MAST4: variants seen among roughly 807,000 people sequenced by gnomAD.
MAST4 encodes the protein microtubule-associated serine/threonine-protein kinase 4.
Under a neutral mutation model 162.7 loss-of-function variants are expected in MAST4, and 89 were observed. The ratio of observed to expected loss-of-function variants is 0.55; its 90% CI spans 0.46 to 0.65. MAST4 has a LOEUF of 0.65. Ranked by LOEUF, MAST4 falls within the 30% of genes least tolerant of loss-of-function variation. MAST4 has a pLI of 0.00. For synonymous variants in MAST4, 1,479 were observed against 1,361.1 expected, an observed-to-expected ratio of 1.09 and a Z score of -1.91; for missense variants, 3,153 against 3,374.0, an observed-to-expected ratio of 0.93 and a Z score of 1.62.
At chr5:67,067,293 A>G (rs760210988) in intron 5 of MAST4, among the ~76,000 whole-genome samples, 1 of 152,196 alleles carries the variant, frequency 6.6e-6, no homozygotes, top group Admixed American at 6.5e-5. Context: ...GTTAGCAGCA[A>G]TTCTACTTTG....
At position 67,142,220 on chromosome 5, in the gene MAST4, A is replaced by C. The variant is rs1174774495; in HGVS notation, c.2600A>C (p.Asp867Ala). Residue 867 changes from aspartate (D) to alanine (A), a missense_variant, in exon 20 of 29, where the codon GAC (aspartate) becomes GCC (alanine). Physicochemically the swap from Asp to Ala is moderately radical, Grantham distance 126. Transcript: ENST00000403625. Reference sequence around the variant, plus strand: ...ATTCCCCAACTGGAATCTGAGGATGACACAAGTTATTTTGATAGTATGTGC... The same window carrying C: ...ATTCCCCAACTGGAATCTGAGGATGCCACAAGTTATTTTGATAGTATGTGC... ...EFIPQLESED[D>A]TSYFDTRSEK... 1 of 1,613,736 alleles carries C rather than the reference A, an allele frequency of 6.2e-7. No individual in the cohort carries two copies. Among genetic ancestry groups the C allele is most frequent in the African/African-American group, 1.3e-5 (1 of 74,930 alleles).
In MAST4 at chr5:67,090,294, TCTCCCCACTTCTCCCC is replaced by T. The variant is rs1763688732; in HGVS notation, c.833+76_833+91del. ...AGAGAGAATCCCATTTTCCTCTCCC[TCTCCCCACTTCTCCCC>T]CTCCCCACTTCTTCCCGTCCCCACT... On this transcript the variant is annotated intron_variant, in intron 6 of 28. Transcript: ENST00000403625. The T allele has an allele frequency of 6.3e-5, 67 of 1,068,094 alleles. No homozygotes were observed. In the South Asian group the frequency reaches 7.3e-4, roughly 12 times the overall value. The allele number at this position is 1,068,094 out of a possible 1,614,324, so 66.2% of individuals were successfully genotyped here. A position where few individuals can be genotyped will look rare whatever the true frequency, so the allele number is the denominator to read the frequency against.
intron 3 of MAST4, among the ~76,000 whole-genome samples, chr5:66,865,936 G>A (rs186330722): frequency 7.2e-4 from 110 of 152,108 alleles, no homozygotes; most frequent in African/African-American, 2.6e-3. Context: ...TTAACTGGGC[G>A]TGGTGGTGCA....
At chr5:66,741,919 A>G (rs542115167) in intron 1 of MAST4, among the ~76,000 whole-genome samples, 9 of 152,342 alleles carry the variant, frequency 5.9e-5, no homozygotes, top group Admixed American at 2.0e-4. Context: ...TTCATTGCTT[A>G]AAATCCCTGT....
At chr5:66,840,654 A>G (rs560931934) in intron 3 of MAST4, among the ~76,000 whole-genome samples, 28 of 152,284 alleles carry the variant, frequency 1.8e-4, no homozygotes, top group Admixed American at 5.9e-4. Context: ...TAGTGGATGT[A>G]TCATGAGCAG....
At chr5:67,021,929 A>G (rs1267292016) in intron 4 of MAST4, among the ~76,000 whole-genome samples, 3 of 152,322 alleles carry the variant, frequency 2.0e-5, no homozygotes, top group East Asian at 1.9e-4. Context: ...TGAAGAAATT[A>G]TAAGAGCATT....
intron 4 of MAST4, among the ~76,000 whole-genome samples, chr5:66,975,338 T>C (rs1250853743): frequency 6.6e-6 from 1 of 152,210 alleles, no homozygotes; most frequent in Non-Finnish European, 1.5e-5. Context: ...AACTGCATTC[T>C]CTTGTTTTTC....
rs1295695233 is a variant in MAST4, at chr5:67,164,087, C to A, written c.4908C>A (p.Phe1636Leu). Residue 1636 changes from phenylalanine to leucine, a missense_variant, in exon 29 of 29, where the codon TTC becomes TTA. Coordinates refer to ENST00000403625, the MANE Select transcript of MAST4 (RefSeq NM_001164664.2). The surrounding 1 kb of genome is among the most constrained non-coding windows in gnomAD (Gnocchi z 5.3). ...AGCACCGCCAGGGTGGCGGGGACTT[C>A]AGACGGGCCCCCGCTCCTGGCACCC... ...PAEHRQGGGD[F>L]RRAPAPGTLQ... The A allele has an allele frequency of 1.3e-5, 21 of 1,570,450 alleles. No individual in the cohort carries two copies. The highest frequency in any genetic ancestry group is 5.5e-5 in the Admixed American group (3 of 54,568).
At chr5:66,755,220 T>A (rs1407441301) in intron 1 of MAST4, among the ~76,000 whole-genome samples, 1 of 152,156 alleles carries the variant, frequency 6.6e-6, no homozygotes. Context: ...CCTGGAGGAT[T>A]TACTAGTTGG....
At chr5:66,663,740 T>C (rs898854112) in intron 1 of MAST4, among the ~76,000 whole-genome samples, 1 of 152,166 alleles carries the variant, frequency 6.6e-6, no homozygotes, top group Non-Finnish European at 1.5e-5. Context: ...GTGGGCCATT[T>C]TTAGAACTTT....
chr5:66,605,784 A>G (rs1742844743), intron 1 of MAST4, among the ~76,000 whole-genome samples: 2 of 152,188 alleles, frequency 1.3e-5, no homozygotes, highest in South Asian at 2.1e-4. Flanking sequence ...AGGACAAGGG[A>G]TTAAAGGGAA....
At chr5:67,024,013 C>A (rs1217585493) in intron 4 of MAST4, among the ~76,000 whole-genome samples, 1 of 151,770 alleles carries the variant, frequency 6.6e-6, no homozygotes, top group East Asian at 1.9e-4. Context: ...CACAGAACTC[C>A]TTTCATCCTG....
intron 3 of MAST4, chr5:66,828,704 CCAGCTGACTCCGGGCTCCAAT>C: frequency 7.7e-7 from 1 of 1,302,922 alleles, no homozygotes. Flanking sequence ...CTAAGCTGGA[CCAGCTGACTCCGGGCTCCAAT>C]CAGCTAGAGC....
chr5:66,768,352 A>G (rs1754202227), intron 2 of MAST4, among the ~76,000 whole-genome samples: 1 of 152,162 alleles, frequency 6.6e-6, no homozygotes. Flanking sequence ...GACCTTTTAT[A>G]GGAGGAGGGG....
chr5:66,807,465 C>T (rs905125544), intron 3 of MAST4, among the ~76,000 whole-genome samples: 2 of 150,746 alleles, frequency 1.3e-5, no homozygotes, highest in African/African-American at 2.4e-5. Flanking sequence ...CACTGCAGTC[C>T]GCAGTCCGGC....
At chr5:66,617,060 A>G (rs892751965) in intron 1 of MAST4, among the ~76,000 whole-genome samples, 1 of 152,244 alleles carries the variant, frequency 6.6e-6, no homozygotes, top group Admixed American at 6.5e-5. Context: ...TCTGTCATTA[A>G]TGATTTAATT....
In MAST4 at chr5:67,162,712, C is replaced by G. The variant is rs1773336205; in HGVS notation, c.3891C>G (p.Leu1297=). 2 of 1,613,716 alleles carry G rather than the reference C, an allele frequency of 1.2e-6. No individual in the cohort carries two copies. The highest frequency in any genetic ancestry group is 1.3e-5 in the African/African-American group (1 of 74,846). Residue 1297 remains leucine (L), a synonymous_variant, in exon 28 of 29, where the codon CTC becomes CTG. Coordinates refer to ENST00000403625, the MANE Select transcript of MAST4 (RefSeq NM_001164664.2). The part of the protein sequence containing the change: ...LNRSLSSGES[L]PGSPTHSLSP... ...GATCCCTGTCATCGGGTGAGAGCCT[C>G]CCAGGTTCCCCCACTCATAGCTTGT...
chr5:67,104,650 T>A, intron 10 of MAST4, 75 bp downstream of exon 10: 1 of 1,189,166 alleles, frequency 8.4e-7, no homozygotes, highest in Non-Finnish European at 1.2e-6. Flanking sequence ...TGCTTACAAG[T>A]TATAACCATG....
At chr5:66,879,208 G>A (rs1223939754) in intron 3 of MAST4, among the ~76,000 whole-genome samples, 1 of 152,140 alleles carries the variant, frequency 6.6e-6, no homozygotes, top group African/African-American at 2.4e-5. Context: ...GGACCCGGGA[G>A]GCGGAGCTTG....
Sources: gnomAD v4.1 joint callset for allele counts (sites outside exome capture counted in the v4.1 genomes callset) on GRCh38, gnomAD v4.1.1 for gene constraint, Gnocchi (gnomAD v3.1) non-coding constraint, MANE v1.5 for transcripts, NCBI Gene and HGNC (gene_info 2026-07-23, HGNC 2026-07-21) for gene names.